The following SIMC1 variants were observed in gnomAD, a reference collection of about 807,000 sequenced individuals.
SIMC1 encodes SUMO-interacting motif-containing protein 1.
In SIMC1, 55 loss-of-function variants were observed where a neutral mutation model predicts 82.3. The ratio of observed to expected loss-of-function variants is 0.67; its 90% CI spans 0.54 to 0.84. The LOEUF (loss-of-function observed/expected upper bound fraction) is 0.84. Ranked by LOEUF, SIMC1 falls within the 40% of genes least tolerant of loss-of-function variation. The pLI is 0.00. For synonymous variants in SIMC1, 353 were observed against 426.3 expected (o/e 0.83, Z 2.12); for missense variants, 915 against 1,107.2 (o/e 0.83, Z 2.46).
chr5:176,276,273 G>A (rs1762689855), intron 1 of SIMC1, among the ~76,000 whole-genome samples: 1 of 151,574 alleles, frequency 6.6e-6, no homozygotes, highest in Middle Eastern at 3.4e-3. Flanking sequence ...GGTGTTTGTA[G>A]TATTCTCTGA....
At chr5:176,287,438 T>C (rs560982597) in intron 1 of SIMC1, among the ~76,000 whole-genome samples, 2 of 152,028 alleles carry the variant, frequency 1.3e-5, no homozygotes, top group East Asian at 1.9e-4. Context: ...ATGAGAACAC[T>C]TGGACACAGG....
intron 1 of SIMC1, among the ~76,000 whole-genome samples, chr5:176,287,490 G>C (rs917548372): frequency 6.6e-6 from 1 of 152,096 alleles, no homozygotes; most frequent in Non-Finnish European, 1.5e-5. Context: ...TGGGGTGGGT[G>C]GCTACGGGAG....
chr5:176,309,693 T>C (rs910752506), intron 4 of SIMC1, among the ~76,000 whole-genome samples: 1 of 152,280 alleles, frequency 6.6e-6, no homozygotes, highest in South Asian at 2.1e-4. Flanking sequence ...CTCACCACTT[T>C]GGGAGGCCAA....
chr5:176,279,990 C>T (rs1762913220), intron 1 of SIMC1, among the ~76,000 whole-genome samples: 1 of 151,994 alleles, frequency 6.6e-6, no homozygotes, highest in Non-Finnish European at 1.5e-5. Context: ...TCTATTAGGT[C>T]CGCTTGGTGC....
chr5:176,314,844 A>G lies in SIMC1; in HGVS notation c.1889+999A>G, dbSNP rs187433465. Among the ~76,000 whole-genome samples, 7 of 152,318 alleles carry G rather than the reference A, an allele frequency of 4.6e-5. No individual in the cohort carries two copies. The East Asian group carries it at 1.2e-3, about 25-fold the overall frequency. ...AAACTATACCTCAAGTACCCAACAA[A>G]CATTCTGTTTTTCATTTTCAGTATA... On this transcript the variant is annotated intron_variant, in intron 5 of 9. Transcript: ENST00000429602.
intron 1 of SIMC1, among the ~76,000 whole-genome samples, chr5:176,288,133 C>T (rs867231303): frequency 6.6e-6 from 1 of 152,292 alleles, no homozygotes; most frequent in Middle Eastern, 3.4e-3. Flanking sequence ...ATAGTCCAGG[C>T]ACAGTGGCTC....
chr5:176,339,820 A>C (rs1013777266), intron 9 of SIMC1, among the ~76,000 whole-genome samples: 1 of 152,202 alleles, frequency 6.6e-6, no homozygotes, highest in Non-Finnish European at 1.5e-5. Flanking sequence ...AAGGAGGAAA[A>C]TTAGCACTAG....
At chr5:176,334,144 C>G (rs562997088) in intron 7 of SIMC1, among the ~76,000 whole-genome samples, 48 of 152,278 alleles carry the variant, frequency 3.2e-4, no homozygotes, top group African/African-American at 1.1e-3. Context: ...TGGTCTGTTT[C>G]TATGGACATT....
chr5:176,280,170 T>C (rs1209880178), intron 1 of SIMC1, among the ~76,000 whole-genome samples: 1 of 152,196 alleles, frequency 6.6e-6, no homozygotes, highest in East Asian at 1.9e-4. Context: ...GTATTGGGTG[T>C]ATATATATTT....
At position 176,261,920 on chromosome 5, in the gene SIMC1, C is replaced by G. The variant is rs180778125; in HGVS notation, c.129+23283C>G. Among the ~76,000 whole-genome samples, 542 of 152,212 alleles carry G rather than the reference C, an allele frequency of 3.6e-3. 7 individuals carry two copies. The highest frequency in any genetic ancestry group is 0.014 in the Admixed American group (215 of 15,284). On this transcript the variant is annotated intron_variant, in intron 1 of 9. Coordinates refer to ENST00000429602, the MANE Select transcript of SIMC1 (RefSeq NM_001308195.2). The stretch of plus-strand genomic sequence containing the variant: ...ATTTAAGGAAGAAATGATAAAAATT[C>G]TCAACAATCTTTCAGAGAATAGAAG...
intron 7 of SIMC1, 60 bp downstream of exon 7, chr5:176,324,817 G>A: frequency 1.4e-6 from 2 of 1,476,300 alleles, no homozygotes; most frequent in Non-Finnish European, 1.8e-6. Context: ...AAAAACTCTT[G>A]GAAATCATTT....
intron 1 of SIMC1, among the ~76,000 whole-genome samples, chr5:176,269,246 G>T (rs975162643): frequency 2.6e-5 from 4 of 151,920 alleles, no homozygotes; most frequent in African/African-American, 9.7e-5. Flanking sequence ...ATAGGAAACA[G>T]ATTAAAAAAT....
chr5:176,246,012 GTT>G (rs1182868903), intron 1 of SIMC1, among the ~76,000 whole-genome samples: 5 of 139,052 alleles, frequency 3.6e-5, no homozygotes. Flanking sequence ...ATTTGTCAAG[GTT>G]TTTTTTTTTT....
At chr5:176,331,499 G>A (rs938254326) in intron 7 of SIMC1, among the ~76,000 whole-genome samples, 1 of 151,170 alleles carries the variant, frequency 6.6e-6, no homozygotes, top group Non-Finnish European at 1.5e-5. Context: ...ATTTTTAGTA[G>A]GGAAAGGGTT....
rs1438369103 is a variant in SIMC1, at chr5:176,252,520, G to A, written c.129+13883G>A. Among the ~76,000 whole-genome samples the A allele has an allele frequency of 4.6e-5, 7 of 150,872 alleles. No homozygotes were observed. In the East Asian group the frequency reaches 5.9e-4, roughly 13 times the overall value. ...CCAGACGGGGTGGCGGGGCAGAGGC[G>A]CTTCCCACATCTCAGACGATGGGCG... is the stretch of plus-strand genomic sequence containing the variant. On this transcript the variant is annotated intron_variant, in intron 1 of 9. Coordinates refer to ENST00000429602, the MANE Select transcript of SIMC1 (RefSeq NM_001308195.2).
In SIMC1 at chr5:176,305,024, G is replaced by T. The variant is rs1165307975; in HGVS notation, c.1735-8667G>T. ...CGTCTGAGAAGTGAGGAGCCTCTCC[G>T]CCCGGCAGCCACCCCATCTGGGAAG... On this transcript the variant is annotated intron_variant, in intron 4 of 9. Transcript: ENST00000429602. 9.1e-5 allele frequency among the ~76,000 whole-genome samples: 13 copies of T among 143,014 alleles called. No homozygotes were observed. In the East Asian group the frequency reaches 2.9e-3, roughly 32 times the overall value. The allele number at this position is 143,014 out of a possible 152,430, so 93.8% of individuals were successfully genotyped here. A position where few individuals can be genotyped will look rare whatever the true frequency, so the allele number is the denominator to read the frequency against.
chr5:176,255,689 C>G (rs749024196), intron 1 of SIMC1, among the ~76,000 whole-genome samples: 1 of 138,450 alleles, frequency 7.2e-6, no homozygotes, highest in Non-Finnish European at 1.5e-5. Flanking sequence ...AGAAAATATC[C>G]TGACTAAAAT....
Position 176,290,483 on chromosome 5 carries a change from G to C in SIMC1, c.959G>C (p.Ser320Thr). ...CCAGGAGATGTGCCACAGTCACCAA[G>C]TGATGTTTCACCGTCACCAGATGCA... is the stretch of plus-strand genomic sequence containing the variant. Reference protein sequence around the residue: ...RSPGDVPQSPSDVSPSPDAPQ... With the variant: ...RSPGDVPQSPTDVSPSPDAPQ... Residue 320 changes from serine (S) to threonine (T), a missense_variant, in exon 2 of 10, where the codon AGT becomes ACT. By Grantham distance (58) the Ser-to-Thr change is moderately conservative. Coordinates refer to ENST00000429602, the MANE Select transcript of SIMC1 (RefSeq NM_001308195.2). 1 of 1,613,980 alleles carries C rather than the reference G, an allele frequency of 6.2e-7. No homozygotes were observed. Among genetic ancestry groups the C allele is most frequent in the Non-Finnish European group, 8.5e-7 (1 of 1,179,898 alleles).
intron 1 of SIMC1, among the ~76,000 whole-genome samples, chr5:176,271,255 G>T (rs966949460): frequency 4.6e-5 from 7 of 152,178 alleles, no homozygotes; most frequent in Admixed American, 4.6e-4. Flanking sequence ...AGCTACTCAG[G>T]AGGCTGAGGC....
Sources: allele counts gnomAD v4.1 joint callset (sites outside exome capture counted in the v4.1 genomes callset), GRCh38; gene constraint gnomAD v4.1.1; transcripts MANE v1.5; gene names NCBI Gene and HGNC (gene_info 2026-07-23, HGNC 2026-07-21).